ANKRD50: variants seen among roughly 807,000 people sequenced by gnomAD.
The protein encoded by ANKRD50 is ankyrin repeat domain 50.
ANKRD50 carries 40 observed loss-of-function variants against 112.0 expected under a neutral mutation model. That is an observed-to-expected ratio of 0.36 (90% confidence interval 0.28 to 0.46). The LOEUF is 0.46. Among genes scored for constraint, ANKRD50 ranks in the 20% least tolerant of loss-of-function variants. The pLI is 1.00. For missense variants in ANKRD50, 1,487 were observed against 1,701.7 expected (o/e 0.87, Z 2.22); for synonymous variants, 613 against 619.1 (o/e 0.99, Z 0.15).
At position 124,665,789 on chromosome 4, in the gene ANKRD50, T is replaced by C. The variant is rs1467147999; in HGVS notation, c.*1729A>G. The C allele has an allele frequency of 6.6e-6, 1 of 152,372 alleles. No individual in the cohort carries two copies. The highest frequency in any genetic ancestry group is 1.5e-5 in the Non-Finnish European group (1 of 67,876). 9.4% of individuals were successfully genotyped at this position (152,372 alleles called of 1,614,324 possible). A position where few individuals can be genotyped will look rare whatever the true frequency, so the allele number is the denominator to read the frequency against. On this transcript the variant is annotated 3_prime_UTR_variant, in exon 5 of 5. Transcript: ENST00000504087. ...TATCAACTTATCTCGTAGTCCTCACTATGACTTATAGATGACAGACAAAAT... is the reference window on the plus strand; with the variant it reads ...TATCAACTTATCTCGTAGTCCTCACCATGACTTATAGATGACAGACAAAAT...
chr4:124,709,245 T>C (rs978607285), intron 2 of ANKRD50, among the ~76,000 whole-genome samples: 1 of 134,770 alleles, frequency 7.4e-6, no homozygotes, highest in African/African-American at 3.0e-5. Flanking sequence ...AGGCATGATA[T>C]GCAAAAAAAA....
intron 2 of ANKRD50, among the ~76,000 whole-genome samples, chr4:124,684,410 G>A (rs373953275): frequency 1.1e-4 from 16 of 152,188 alleles, no homozygotes; most frequent in African/African-American, 3.1e-4. Context: ...AACCCGTAGA[G>A]TTTACTACAC....
chr4:124,700,944 A>G (rs1308613549), intron 2 of ANKRD50, among the ~76,000 whole-genome samples: 1 of 152,210 alleles, frequency 6.6e-6, no homozygotes. Flanking sequence ...CTGAGCCAGA[A>G]TTAAAAGATA....
chr4:124,712,409 A>G (rs754577426), intron 1 of ANKRD50, 49 bp downstream of exon 1: 6 of 155,730 alleles, frequency 3.9e-5, no homozygotes, highest in Non-Finnish European at 5.7e-5. Context: ...CCAGCTTCCA[A>G]CCCGAGGGAG....
At chr4:124,673,666 A>G (rs1454516742) in intron 3 of ANKRD50, among the ~76,000 whole-genome samples, 1 of 152,272 alleles carries the variant, frequency 6.6e-6, no homozygotes, top group Non-Finnish European at 1.5e-5. Context: ...TGGCTCTGCC[A>G]ACAGGACTGA....
chr4:124,686,464 C>A (rs1284632759), intron 2 of ANKRD50, among the ~76,000 whole-genome samples: 1 of 152,130 alleles, frequency 6.6e-6, no homozygotes, highest in East Asian at 1.9e-4. Context: ...AGCAACCACC[C>A]TGGCTGGGAA....
chr4:124,692,137 G>T (rs1466088771), intron 2 of ANKRD50, among the ~76,000 whole-genome samples: 1 of 151,950 alleles, frequency 6.6e-6, no homozygotes, highest in African/African-American at 2.4e-5. Flanking sequence ...CCATCCCCAA[G>T]ATTTCTCATT....
At position 124,670,756 on chromosome 4, in the gene ANKRD50, T is replaced by C. The variant is rs772411406; in HGVS notation, c.2521A>G (p.Asn841Asp). The C allele has an allele frequency of 3.7e-6, 6 of 1,613,764 alleles. No homozygotes were observed. The South Asian group carries it at 6.6e-5, about 18-fold the overall frequency. ...RTLLDRGLDE[N>D]HRDDAGWTPL... ...GTCCATCCAGCATCATCTCTGTGAT[T>C]TTCATCTAACCCTCTATCCAGTAGA... The change falls in exon 4 of 5, where the codon AAT becomes GAT. Residue 841 changes from asparagine to aspartate, a missense_variant. Coordinates refer to ENST00000504087, the MANE Select transcript of ANKRD50 (RefSeq NM_020337.3).
Position 124,672,106 on chromosome 4 carries a change from T to G in ANKRD50, c.1171A>C (p.Ile391Leu). The change falls in exon 4 of 5, where the codon ATC (isoleucine) becomes CTC (leucine). Residue 391 changes from isoleucine to leucine, a missense_variant. Physicochemically the swap from Ile to Leu is conservative, Grantham distance 5. This residue lies in a region of ANKRD50 where 1,046 missense variants were observed against 1,269.5 expected (regional missense o/e 0.82). Transcript: ENST00000504087. The part of the protein sequence containing the change: ...TLEDFQRKLD[I>L]LSKLLVDGLG... ...CCATCAACAAGAAGTTTGGAGAGGA[T>G]ATCTAACTTGCGTTGAAAATCTTCC... is the stretch of plus-strand genomic sequence containing the variant. 6.2e-7 allele frequency: 1 copy of G among 1,613,924 alleles called. No homozygotes were observed.
chr4:124,672,616 A>G, intron 3 of ANKRD50, 82 bp from the exon 4 acceptor site: 8 of 931,872 alleles, frequency 8.6e-6, no homozygotes, highest in Non-Finnish European at 1.3e-5. Context: ...ATGTCAACAT[A>G]TAATAAATAA....
chr4:124,706,692 G>A lies in ANKRD50; in HGVS notation c.512+3308C>T, dbSNP rs7660214. On this transcript the variant is annotated intron_variant, in intron 2 of 4. Transcript: ENST00000504087. ...TGAATACGGATGCTCCTTAACCTATGATAGGATTACACCCTGATAAATCCA... is the reference window on the plus strand; with the variant it reads ...TGAATACGGATGCTCCTTAACCTATAATAGGATTACACCCTGATAAATCCA... Among the ~76,000 whole-genome samples the A allele has an allele frequency of 4.5e-4, 69 of 152,072 alleles. 1 individual carries two copies. The highest frequency in any genetic ancestry group is 1.5e-3 in the African/African-American group (64 of 41,522).
At chr4:124,678,152 A>T (rs977119052) in intron 3 of ANKRD50, among the ~76,000 whole-genome samples, 2 of 152,152 alleles carry the variant, frequency 1.3e-5, no homozygotes, top group Admixed American at 1.3e-4. Context: ...TTAATCATTA[A>T]TATCTCTCCA....
rs902874526 is a variant in ANKRD50 at position 124,678,731 on chromosome 4, T to G, written c.687A>C (p.Leu229=). ...AGHHEFFPPW[L]LLLCSARKQS... ...GCTTTCGGGCAGAACAGAGAAGCAA[T>G]AGCCATGGTGGAAAGAACTCATGGT... The change falls in exon 3 of 5, where the codon CTA becomes CTC. Residue 229 remains leucine (L), a synonymous_variant. Transcript: ENST00000504087. 2 of 1,613,818 alleles carry G rather than the reference T, an allele frequency of 1.2e-6. No homozygotes were observed. The highest frequency in any genetic ancestry group is 2.7e-5 in the African/African-American group (2 of 75,024).
chr4:124,699,603 C>T (rs1256727083), intron 2 of ANKRD50, among the ~76,000 whole-genome samples: 3 of 151,998 alleles, frequency 2.0e-5, no homozygotes, highest in Non-Finnish European at 4.4e-5. Flanking sequence ...CAAAAGGTGA[C>T]CTCATATGAC....
intron 2 of ANKRD50, among the ~76,000 whole-genome samples, chr4:124,682,885 T>G (rs944867005): frequency 1.1e-4 from 17 of 152,128 alleles, no homozygotes; most frequent in African/African-American, 3.9e-4. Flanking sequence ...TAGTTGTTAA[T>G]AGGGTACAGT....
chr4:124,698,147 C>T (rs554817693), intron 2 of ANKRD50, among the ~76,000 whole-genome samples: 1 of 151,032 alleles, frequency 6.6e-6, no homozygotes, highest in African/African-American at 2.4e-5. Flanking sequence ...GGGTAAAGTG[C>T]TTAAATATGT....
chr4:124,670,898 A>G lies in ANKRD50; in HGVS notation c.2379T>C (p.His793=). ...ACAAAAGTGTATTTACAACTGATGC[A>G]TGACCCATAGACGCTGCTGCTAAGA... is the stretch of plus-strand genomic sequence containing the variant. ...TPLLAAASMG[H]ASVVNTLLFW... Residue 793 remains histidine (H), a synonymous_variant, in exon 4 of 5, where the codon CAT becomes CAC. Coordinates refer to ENST00000504087, the MANE Select transcript of ANKRD50 (RefSeq NM_020337.3). 1 of 1,613,856 alleles carries G rather than the reference A, an allele frequency of 6.2e-7. No homozygotes were observed. The highest frequency in any genetic ancestry group is 8.5e-7 in the Non-Finnish European group (1 of 1,179,882).
Position 124,670,515 on chromosome 4 carries a change from G to A in ANKRD50, c.2762C>T (p.Ala921Val), listed in dbSNP as rs753392178. ...AACAATGTCCCTGTGCCCTTCTAAT[G>A]CAGCAACCCGCAGTGCATTTCTTCC... ...YDGRNALRVA[A>V]LEGHRDIVEL... Residue 921 changes from alanine (A) to valine (V), a missense_variant, in exon 4 of 5, where the codon GCA becomes GTA. Ala to Val is a moderately conservative substitution (Grantham distance 64, BLOSUM62 0). Transcript: ENST00000504087. 3 of 1,613,450 alleles carry A rather than the reference G, an allele frequency of 1.9e-6. No homozygotes were observed. In the Admixed American group the frequency reaches 5.0e-5, roughly 27 times the overall value.
At chr4:124,701,041 T>C (rs1217813690) in intron 2 of ANKRD50, among the ~76,000 whole-genome samples, 1 of 152,192 alleles carries the variant, frequency 6.6e-6, no homozygotes, top group Non-Finnish European at 1.5e-5. Context: ...CTCAGCTCAC[T>C]GCAACCTTCG....
Sources: gnomAD v4.1 joint callset for allele counts (sites outside exome capture counted in the v4.1 genomes callset) on GRCh38, gnomAD v4.1.1 for gene constraint, gnomAD v4.1.1 regional missense constraint, MANE v1.5 for transcripts, NCBI Gene and HGNC (gene_info 2026-07-23, HGNC 2026-07-21) for gene names.